The following ACOX3 variants were observed in gnomAD, a reference collection of about 807,000 sequenced individuals.
ACOX3 encodes peroxisomal acyl-coenzyme A oxidase 3.
ACOX3 carries 73 observed loss-of-function variants against 81.5 expected under a neutral mutation model. That is an observed-to-expected ratio of 0.90 (90% confidence interval 0.74 to 1.09). The LOEUF is 1.09. Ranked by LOEUF, ACOX3 falls within the 50% of genes least tolerant of loss-of-function variation. The pLI is 0.00. For synonymous variants in ACOX3, 387 were observed against 375.1 expected (o/e 1.03, Z -0.37); for missense variants, 947 against 928.0 (o/e 1.02, Z -0.27).
In ACOX3 at chr4:8,394,817, G is replaced by A. The variant is rs1719497887; in HGVS notation, c.1057-75C>T. On this transcript the variant is annotated intron_variant, in intron 9 of 17. Coordinates refer to ENST00000356406, the MANE Select transcript of ACOX3 (RefSeq NM_003501.3). This position sits in a 1 kb window ranked among gnomAD's most constrained non-coding sequence, Gnocchi z 5.9. Reference sequence around the variant, plus strand: ...GCAGCCCATCCCAGGGACCATGAAAGCCAGTGCAGGGAGAGGCCGTCAGGG... The same window carrying A: ...GCAGCCCATCCCAGGGACCATGAAAACCAGTGCAGGGAGAGGCCGTCAGGG... The A allele has an allele frequency of 2.6e-6, 4 of 1,549,588 alleles. No individual in the cohort carries two copies. Among genetic ancestry groups the A allele is most frequent in the East Asian group, 2.4e-5 (1 of 42,216 alleles).
rs1000695267 is a variant in ACOX3 at position 8,432,327 on chromosome 4, G to A, written c.-15+8321C>T. On this transcript the variant is annotated intron_variant, in intron 1 of 17. Coordinates refer to ENST00000356406, the MANE Select transcript of ACOX3 (RefSeq NM_003501.3). This position sits in a 1 kb window ranked among gnomAD's most constrained non-coding sequence, Gnocchi z 6.2. ...CGGCTCACTGCAAGCTCTGCCTCCC[G>A]GGTTCAAGCCATTCTCCTGCCTTAG... Among the ~76,000 whole-genome samples, 8 of 152,014 alleles carry A rather than the reference G, an allele frequency of 5.3e-5. No homozygotes were observed. The highest frequency in any genetic ancestry group is 1.7e-4 in the African/African-American group (7 of 41,444).
At chr4:8,376,191 T>C (rs928490800) in intron 14 of ACOX3, among the ~76,000 whole-genome samples, 1 of 152,208 alleles carries the variant, frequency 6.6e-6, no homozygotes, top group Non-Finnish European at 1.5e-5. Flanking sequence ...TTTTCTTTTT[T>C]AATGAATATC....
In ACOX3 at chr4:8,407,427, G is replaced by A. The variant is rs80155869; in HGVS notation, c.688-1384C>T. On this transcript the variant is annotated intron_variant, in intron 6 of 17. Coordinates refer to ENST00000356406, the MANE Select transcript of ACOX3 (RefSeq NM_003501.3). This position sits in a 1 kb window ranked among gnomAD's most constrained non-coding sequence, Gnocchi z 4.6. Reference sequence around the variant, plus strand: ...GGGGCCACAGGCCTGGGGCCACCAGGAGCTGAAAGAGATAGGAAGGATCCT... The same window carrying A: ...GGGGCCACAGGCCTGGGGCCACCAGAAGCTGAAAGAGATAGGAAGGATCCT... 0.015 allele frequency among the ~76,000 whole-genome samples: 2,250 copies of A among 152,294 alleles called. 44 individuals are homozygous for A. The highest frequency in any genetic ancestry group is 0.05 in the African/African-American group (2,080 of 41,552).
rs1177370909 is a variant in ACOX3, at chr4:8,370,049, G to C, written c.1983+859C>G. On this transcript the variant is annotated intron_variant, in intron 17 of 17. Transcript: ENST00000356406. This position sits in a 1 kb window ranked among gnomAD's most constrained non-coding sequence, Gnocchi z 6.3. ...AGACACAAGGTCAGTGATGAGGCCAGCAAGGGCAGCACTACAGTGCCTGGG... is the reference window on the plus strand; with the variant it reads ...AGACACAAGGTCAGTGATGAGGCCACCAAGGGCAGCACTACAGTGCCTGGG... Among the ~76,000 whole-genome samples, 1 of 152,236 alleles carries C rather than the reference G, an allele frequency of 6.6e-6. No homozygotes were observed. The highest frequency in any genetic ancestry group is 1.5e-5 in the Non-Finnish European group (1 of 68,038).
chr4:8,429,602 A>C (rs1475945879), intron 1 of ACOX3, among the ~76,000 whole-genome samples: 3 of 152,224 alleles, frequency 2.0e-5, no homozygotes, highest in Admixed American at 1.3e-4. Flanking sequence ...AGGGGCTGCC[A>C]GTGAAAGAGC....
the ACOX3 span, chr4:8,357,052 A>G: frequency 2.6e-4 from 117 of 456,374 alleles, no homozygotes; most frequent in Middle Eastern, 1.6e-3. Context: ...GAGAGGAAGA[A>G]AGTGTGGAGA....
chr4:8,391,680 C>T (rs576111272), intron 11 of ACOX3, among the ~76,000 whole-genome samples: 1 of 152,184 alleles, frequency 6.6e-6, no homozygotes, highest in African/African-American at 2.4e-5. Context: ...CTGGCAAGAA[C>T]CTATGTTGTG....
At chr4:8,379,868 C>T (rs371130829) in intron 14 of ACOX3, among the ~76,000 whole-genome samples, 12 of 152,188 alleles carry the variant, frequency 7.9e-5, no homozygotes, top group African/African-American at 1.7e-4. Flanking sequence ...CTACTGCAGC[C>T]TCAACCTCCT....
Position 8,386,565 on chromosome 4 carries a change from CAAA to C in ACOX3, c.1537+2605_1537+2607del, listed in dbSNP as rs567670556. Among the ~76,000 whole-genome samples, 6 of 64,444 alleles carry C rather than the reference CAAA, an allele frequency of 9.3e-5. No homozygotes were observed. The highest frequency in any genetic ancestry group is 1.8e-4 in the Admixed American group (1 of 5,494). 42.3% of individuals were successfully genotyped at this position (64,444 alleles called of 152,430 possible). A position where few individuals can be genotyped will look rare whatever the true frequency, so the allele number is the denominator to read the frequency against. ...TGGGCGACAGAGCGAGACTCCGTCT[CAAA>C]AAAAAAAAAAAAAAGAAAGTGACTT... On this transcript the variant is annotated intron_variant, in intron 13 of 17. Transcript: ENST00000356406. This position sits in a 1 kb window ranked among gnomAD's most constrained non-coding sequence, Gnocchi z 5.2.
intron 1 of ACOX3, among the ~76,000 whole-genome samples, chr4:8,434,411 T>G (rs571550490): frequency 6.6e-6 from 1 of 152,218 alleles, no homozygotes; most frequent in South Asian, 2.1e-4. Context: ...AGAAGCGAGG[T>G]GATTAAGGGA....
Position 8,389,395 on chromosome 4 carries a change from C to T in ACOX3, c.1424-109G>A. Reference sequence around the variant, plus strand: ...AGAGAGTGTCCAGAGGACCCGACGGCCACAGACCCACAGGCGAGGGTCTGG... The same window carrying T: ...AGAGAGTGTCCAGAGGACCCGACGGTCACAGACCCACAGGCGAGGGTCTGG... On this transcript the variant is annotated intron_variant, in intron 12 of 17. Coordinates refer to ENST00000356406, the MANE Select transcript of ACOX3 (RefSeq NM_003501.3). This position sits in a 1 kb window ranked among gnomAD's most constrained non-coding sequence, Gnocchi z 5.3. The T allele has an allele frequency of 7.8e-7, 1 of 1,276,320 alleles. No homozygotes were observed. The highest frequency in any genetic ancestry group is 1.1e-6 in the Non-Finnish European group (1 of 919,054). 79.1% of individuals were successfully genotyped at this position (1,276,320 alleles called of 1,614,324 possible). A position where few individuals can be genotyped will look rare whatever the true frequency, so the allele number is the denominator to read the frequency against.
In ACOX3 at chr4:8,399,724, C is replaced by A. The variant is rs1490734596; in HGVS notation, c.777-72G>T. On this transcript the variant is annotated intron_variant, in intron 7 of 17. Coordinates refer to ENST00000356406, the MANE Select transcript of ACOX3 (RefSeq NM_003501.3). This position sits in a 1 kb window ranked among gnomAD's most constrained non-coding sequence, Gnocchi z 4.9. ...AGGCTCTTCTCTTCTCCAAGGGCAG[C>A]CTAAAAGCTGATGCAATCCCCGAGG... 15 of 1,383,688 alleles carry A rather than the reference C, an allele frequency of 1.1e-5. No individual in the cohort carries two copies. Among genetic ancestry groups the A allele is most frequent in the Admixed American group, 1.8e-5 (1 of 56,266 alleles). 85.7% of individuals were successfully genotyped at this position (1,383,688 alleles called of 1,614,324 possible).
At chr4:8,427,704 G>A (rs1292558978) in intron 1 of ACOX3, among the ~76,000 whole-genome samples, 1 of 152,238 alleles carries the variant, frequency 6.6e-6, no homozygotes, top group South Asian at 2.1e-4. Flanking sequence ...CCAGGTCAGA[G>A]AGCAAGAGCC....
At chr4:8,369,185 G>A (rs186788769) in intron 17 of ACOX3, among the ~76,000 whole-genome samples, 436 of 152,234 alleles carry the variant, frequency 2.9e-3, no homozygotes, top group Admixed American at 5.8e-3. Flanking sequence ...TCTCCTGCAC[G>A]GGGCAGACAG....
At chr4:8,377,407 C>T (rs1560169687) in intron 14 of ACOX3, among the ~76,000 whole-genome samples, 1 of 152,240 alleles carries the variant, frequency 6.6e-6, no homozygotes, top group Non-Finnish European at 1.5e-5. Context: ...AACCTTGCTG[C>T]TGTCAAATAA....
the ACOX3 span, chr4:8,357,960 G>A: frequency 1.2e-4 from 19 of 154,208 alleles, no homozygotes; most frequent in Middle Eastern, 3.4e-3. Context: ...AGGAGGGCTC[G>A]GGATGCCCCA....
intron 1 of ACOX3, among the ~76,000 whole-genome samples, chr4:8,436,639 C>T (rs924876299): frequency 1.3e-5 from 2 of 152,116 alleles, no homozygotes; most frequent in African/African-American, 4.8e-5. Context: ...AAGGAGCTGA[C>T]AAGAGCCTAA....
chr4:8,382,990 C>CAAAAAA lies in ACOX3; in HGVS notation c.1538-1389_1538-1384dup, dbSNP rs143092717. ...TGGGCGACAGAGCGAGACTCCGTCT[C>CAAAAAA]AAAAAAAAAAAAAAAAGAAAAGAAA... On this transcript the variant is annotated intron_variant, in intron 13 of 17. Transcript: ENST00000356406. This position sits in a 1 kb window ranked among gnomAD's most constrained non-coding sequence, Gnocchi z 4.1. 1.4e-5 allele frequency among the ~76,000 whole-genome samples: 1 copy of CAAAAAA among 72,090 alleles called. No homozygotes were observed. Among genetic ancestry groups the CAAAAAA allele is most frequent in the Non-Finnish European group, 2.5e-5 (1 of 40,654 alleles). The allele number at this position is 72,090 out of a possible 152,430, so 47.3% of individuals were successfully genotyped here.
intron 7 of ACOX3, among the ~76,000 whole-genome samples, chr4:8,402,561 A>G (rs1417513318): frequency 6.6e-6 from 1 of 152,252 alleles, no homozygotes; most frequent in African/African-American, 2.4e-5. Context: ...GAATATATTT[A>G]TACTTGCAAA....
Sources: gnomAD v4.1 joint callset for allele counts (sites outside exome capture counted in the v4.1 genomes callset) on GRCh38, gnomAD v4.1.1 for gene constraint, Gnocchi (gnomAD v3.1) non-coding constraint, MANE v1.5 for transcripts, NCBI Gene and HGNC (gene_info 2026-07-23, HGNC 2026-07-21) for gene names.